The following PLD5 variants were observed in gnomAD, a reference collection of about 807,000 sequenced individuals.
PLD5 encodes phospholipase D family member 5.
A neutral mutation model predicts 61.1 loss-of-function variants in PLD5; 36 were observed. The observed-to-expected ratio is 0.59, with a 90% confidence interval of 0.45 to 0.78. PLD5 has a LOEUF of 0.78. Ranked by LOEUF, PLD5 falls within the 30% of genes least tolerant of loss-of-function variation. The pLI is 0.00. For synonymous variants in PLD5, 243 were observed against 242.8 expected, an observed-to-expected ratio of 1.00 and a Z score of -0.01; for missense variants, 515 against 644.4, an observed-to-expected ratio of 0.80 and a Z score of 2.17.
intron 5 of PLD5, among the ~76,000 whole-genome samples, chr1:242,172,609 C>T (rs953794889): frequency 6.6e-6 from 1 of 151,878 alleles, no homozygotes; most frequent in Non-Finnish European, 1.5e-5. Flanking sequence ...TTGAAAAGAT[C>T]AACAAAATAG....
chr1:242,404,542 G>A (rs991372432), intron 1 of PLD5, among the ~76,000 whole-genome samples: 1 of 152,056 alleles, frequency 6.6e-6, no homozygotes, highest in African/African-American at 2.4e-5. Flanking sequence ...GGATCAAGTT[G>A]GCATTTCTGA....
intron 5 of PLD5, among the ~76,000 whole-genome samples, chr1:242,175,351 C>G (rs1030720539): frequency 6.6e-6 from 1 of 152,118 alleles, no homozygotes; most frequent in African/African-American, 2.4e-5. Flanking sequence ...TGACAAAAAT[C>G]ACGATTATCT....
At chr1:242,299,326 C>T (rs1189726505) in intron 2 of PLD5, among the ~76,000 whole-genome samples, 1 of 152,124 alleles carries the variant, frequency 6.6e-6, no homozygotes, top group South Asian at 2.1e-4. Flanking sequence ...TACAATTAAG[C>T]TATTATTAAC....
chr1:242,400,549 A>C (rs2149277739), intron 1 of PLD5, among the ~76,000 whole-genome samples: 1 of 152,294 alleles, frequency 6.6e-6, no homozygotes, highest in East Asian at 1.9e-4. Flanking sequence ...TACCTACTAT[A>C]TACCAAGTCT....
chr1:242,128,057 A>T (rs1433404589), intron 5 of PLD5, among the ~76,000 whole-genome samples: 3 of 152,218 alleles, frequency 2.0e-5, no homozygotes, highest in African/African-American at 7.2e-5. Context: ...CAAAGCTTGC[A>T]TGAGAATATG....
intron 4 of PLD5, among the ~76,000 whole-genome samples, chr1:242,229,907 T>TAAA (rs60295070): frequency 1.4e-5 from 2 of 140,492 alleles, no homozygotes. Flanking sequence ...AAAATATTGA[T>TAAA]AAAAAAAAAA....
intron 4 of PLD5, among the ~76,000 whole-genome samples, chr1:242,242,975 A>T (rs954138296): frequency 1.3e-5 from 2 of 152,046 alleles, no homozygotes; most frequent in Admixed American, 1.3e-4. Context: ...CCTCTGAAAA[A>T]CTCATTCCCC....
chr1:242,290,914 A>T (rs886564528), intron 2 of PLD5, among the ~76,000 whole-genome samples: 10 of 151,664 alleles, frequency 6.6e-5, no homozygotes, highest in Non-Finnish European at 1.3e-4. Flanking sequence ...GAATCTGGAC[A>T]CTCTGCCTGC....
In PLD5 at chr1:242,084,227, A is replaced by C. The variant is rs1413943492; in HGVS notation, c.*5627T>G. ...TGTAGCATTCAGAAACTGCCAATAA[A>C]ATCAGAATACTATTGACTATTGCAG... On this transcript the variant is annotated 3_prime_UTR_variant, in exon 10 of 10. Transcript: ENST00000536534. 6.6e-6 allele frequency: 1 copy of C among 152,168 alleles called. No individual in the cohort carries two copies. The highest frequency in any genetic ancestry group is 2.4e-5 in the African/African-American group (1 of 41,448). 9.4% of individuals were successfully genotyped at this position (152,168 alleles called of 1,614,324 possible). A position where few individuals can be genotyped will look rare whatever the true frequency, so the allele number is the denominator to read the frequency against.
At chr1:242,418,146 T>C (rs997588669) in intron 1 of PLD5, among the ~76,000 whole-genome samples, 6 of 151,920 alleles carry the variant, frequency 3.9e-5, no homozygotes, top group Admixed American at 1.3e-4. Context: ...AAATAGATCC[T>C]ATAGTATTTA....
At chr1:242,156,307 T>C (rs981419966) in intron 5 of PLD5, among the ~76,000 whole-genome samples, 8 of 152,198 alleles carry the variant, frequency 5.3e-5, no homozygotes, top group Non-Finnish European at 1.2e-4. Context: ...CTTTATCCAA[T>C]TTGCCAGTCT....
intron 5 of PLD5, among the ~76,000 whole-genome samples, chr1:242,212,725 C>T (rs1429982234): frequency 6.6e-6 from 1 of 152,230 alleles, no homozygotes; most frequent in Admixed American, 6.5e-5. Flanking sequence ...CTCCAGCTCT[C>T]CGGCCTGTGG....
intron 1 of PLD5, among the ~76,000 whole-genome samples, chr1:242,452,103 G>A (rs1054009254): frequency 3.3e-5 from 5 of 152,104 alleles, no homozygotes; most frequent in African/African-American, 4.8e-5. Flanking sequence ...TAATCACGGG[G>A]GCGCACCATC....
intron 5 of PLD5, among the ~76,000 whole-genome samples, chr1:242,163,423 G>A (rs996252060): frequency 1.3e-5 from 2 of 151,876 alleles, no homozygotes; most frequent in Admixed American, 6.6e-5. Flanking sequence ...GATTACAGGC[G>A]TGAGCCACTG....
chr1:242,527,108 C>T (rs1669463812), upstream of PLD5, among the ~76,000 whole-genome samples: 1 of 109,846 alleles, frequency 9.1e-6, no homozygotes, highest in Non-Finnish European at 1.9e-5. Context: ...TTGCTACTAT[C>T]TCCTTCTTTT....
At chr1:242,492,278 G>A (rs184591423) in intron 1 of PLD5, among the ~76,000 whole-genome samples, 1,794 of 151,972 alleles carry the variant, frequency 0.012, 20 homozygotes, top group Non-Finnish European at 0.015. Context: ...TTGGGAGGTC[G>A]AGGCACGTGG....
intron 5 of PLD5, among the ~76,000 whole-genome samples, chr1:242,179,161 C>T (rs1667359525): frequency 6.6e-6 from 1 of 152,120 alleles, no homozygotes; most frequent in South Asian, 2.1e-4. Flanking sequence ...CTCCTGGAGA[C>T]TTTTATGGTG....
At chr1:242,379,155 C>A (rs1465364553) in intron 1 of PLD5, among the ~76,000 whole-genome samples, 1 of 152,156 alleles carries the variant, frequency 6.6e-6, no homozygotes, top group Non-Finnish European at 1.5e-5. Context: ...AACGAGGCTT[C>A]CACTCAACTT....
rs1470175749 is a variant in PLD5, at chr1:242,253,159, G to A, written c.607+12178C>T. ...TTTTGAGGCAGGGTCTCACTCTATC[G>A]CCTGGCTGGAGTACAGTGGTGGATC... On this transcript the variant is annotated intron_variant, in intron 4 of 9. Coordinates refer to ENST00000536534, the MANE Select transcript of PLD5 (RefSeq NM_001372062.1). Among the ~76,000 whole-genome samples the A allele has an allele frequency of 3.4e-5, 4 of 115,946 alleles. No individual in the cohort carries two copies. The East Asian group carries it at 1.1e-3, about 31-fold the overall frequency. 76.1% of individuals were successfully genotyped at this position (115,946 alleles called of 152,430 possible).
Sources: gnomAD v4.1 joint callset for allele counts (sites outside exome capture counted in the v4.1 genomes callset) on GRCh38, gnomAD v4.1.1 for gene constraint, MANE v1.5 for transcripts, NCBI Gene and HGNC (gene_info 2026-07-23, HGNC 2026-07-21) for gene names.